CTNNA2: variants seen among roughly 807,000 people sequenced by gnomAD.
CTNNA2 encodes the protein catenin alpha 2.
In CTNNA2, 42 loss-of-function variants were observed where a neutral mutation model predicts 101.0. That is an observed-to-expected ratio of 0.42 (90% CI 0.32 to 0.54). CTNNA2 has a LOEUF of 0.54. CTNNA2 is among the 20% of genes least tolerant of loss of function. The pLI is 0.14. For synonymous variants in CTNNA2, 450 were observed against 456.4 expected, an observed-to-expected ratio of 0.99 and a Z score of 0.18; for missense variants, 871 against 1,223.1, an observed-to-expected ratio of 0.71 and a Z score of 4.29.
chr2:79,932,021 C>G (rs893566597), intron 7 of CTNNA2, among the ~76,000 whole-genome samples: 15 of 152,234 alleles, frequency 9.9e-5, no homozygotes, highest in Admixed American at 7.9e-4. Flanking sequence ...TTGAGCCTCT[C>G]TCACACCTTC....
At chr2:80,342,686 C>T (rs1017127584) in intron 7 of CTNNA2, among the ~76,000 whole-genome samples, 1 of 151,808 alleles carries the variant, frequency 6.6e-6, no homozygotes, top group Non-Finnish European at 1.5e-5. Flanking sequence ...AAAAAAAATG[C>T]AGAGTGCCAG....
intron 17 of CTNNA2, among the ~76,000 whole-genome samples, chr2:80,610,468 C>G (rs756642036): frequency 1.2e-4 from 18 of 151,514 alleles, no homozygotes; most frequent in Non-Finnish European, 1.5e-4. Context: ...AAGAAGCCAT[C>G]ATAGTTTAAT....
chr2:80,111,730 T>TGGG (rs1292534357), intron 7 of CTNNA2, among the ~76,000 whole-genome samples: 1 of 152,070 alleles, frequency 6.6e-6, no homozygotes, highest in African/African-American at 2.4e-5. Flanking sequence ...TTTGTAGAGA[T>TGGG]GGGGTCACAA....
At chr2:80,259,777 C>G (rs1672455379) in intron 7 of CTNNA2, among the ~76,000 whole-genome samples, 1 of 152,186 alleles carries the variant, frequency 6.6e-6, no homozygotes, top group Non-Finnish European at 1.5e-5. Context: ...CCTTTGTTTT[C>G]TCATTCTTCA....
chr2:79,709,723 A>G (rs549874322), intron 2 of CTNNA2, among the ~76,000 whole-genome samples: 49 of 152,254 alleles, frequency 3.2e-4, no homozygotes, highest in African/African-American at 1.2e-3. Flanking sequence ...GACAATTGCA[A>G]TATTCTCAGC....
At chr2:79,976,158 C>T (rs890491740) in intron 7 of CTNNA2, among the ~76,000 whole-genome samples, 6 of 152,188 alleles carry the variant, frequency 3.9e-5, no homozygotes, top group Non-Finnish European at 7.3e-5. Flanking sequence ...ATGTATTTCA[C>T]ATTCTCACAA....
At chr2:79,746,372 T>C (rs1212117023) in intron 3 of CTNNA2, among the ~76,000 whole-genome samples, 1 of 152,184 alleles carries the variant, frequency 6.6e-6, no homozygotes, top group Non-Finnish European at 1.5e-5. Context: ...TTCACTCTAT[T>C]GTGACCTTTG....
chr2:79,752,130 T>C (rs1453423155), intron 3 of CTNNA2, among the ~76,000 whole-genome samples: 1 of 151,882 alleles, frequency 6.6e-6, no homozygotes, highest in African/African-American at 2.4e-5. Flanking sequence ...GACAATGCCA[T>C]GGTGAAATAG....
intron 7 of CTNNA2, among the ~76,000 whole-genome samples, chr2:79,977,766 T>A (rs1690973281): frequency 6.6e-6 from 1 of 152,170 alleles, no homozygotes; most frequent in Admixed American, 6.5e-5. Context: ...CCTCTTTTTC[T>A]TTATTTTTTC....
chr2:79,546,010 A>T (rs1673709260), intron 1 of CTNNA2, among the ~76,000 whole-genome samples: 1 of 152,172 alleles, frequency 6.6e-6, no homozygotes, highest in African/African-American at 2.4e-5. Flanking sequence ...GAAGCTAAGT[A>T]CCATACCCAA....
At chr2:79,959,254 T>C (rs2104524070) in intron 7 of CTNNA2, among the ~76,000 whole-genome samples, 1 of 152,286 alleles carries the variant, frequency 6.6e-6, no homozygotes, top group South Asian at 2.1e-4. Context: ...TTACTTTTTT[T>C]TCATGAGAAG....
chr2:79,990,904 G>A (rs969652916), intron 7 of CTNNA2, among the ~76,000 whole-genome samples: 1 of 152,128 alleles, frequency 6.6e-6, no homozygotes, highest in African/African-American at 2.4e-5. Flanking sequence ...AGTCCGTCTG[G>A]TCCTGGACTT....
intron 2 of CTNNA2, among the ~76,000 whole-genome samples, chr2:79,235,221 G>A (rs751626196): frequency 1.6e-4 from 24 of 152,150 alleles, no homozygotes; most frequent in Non-Finnish European, 2.6e-4. Context: ...TTTTCAGAGG[G>A]TCAGCACTCT....
intron 4 of CTNNA2, among the ~76,000 whole-genome samples, chr2:79,456,924 G>T (rs918777623): frequency 3.9e-5 from 6 of 152,082 alleles, no homozygotes; most frequent in African/African-American, 1.2e-4. Flanking sequence ...GAATTCGGCC[G>T]GGCATGGTGG....
intron 4 of CTNNA2, among the ~76,000 whole-genome samples, chr2:79,433,069 G>A (rs1240538764): frequency 6.6e-6 from 1 of 152,156 alleles, no homozygotes; most frequent in Non-Finnish European, 1.5e-5. Context: ...TGGTGCGAGG[G>A]AAATGAAGCC....
chr2:80,450,317 T>TC (rs1683397525), intron 9 of CTNNA2, among the ~76,000 whole-genome samples: 2 of 152,110 alleles, frequency 1.3e-5, no homozygotes, highest in Admixed American at 1.3e-4. Flanking sequence ...TTTTTTTTTT[T>TC]CCTTTTTAAA....
intron 2 of CTNNA2, among the ~76,000 whole-genome samples, chr2:79,286,804 C>G (rs1020975178): frequency 1.3e-5 from 2 of 152,054 alleles, no homozygotes; most frequent in Non-Finnish European, 2.9e-5. Flanking sequence ...GTTGGCCTGC[C>G]TTGCTAGATT....
intron 7 of CTNNA2, among the ~76,000 whole-genome samples, chr2:80,372,255 CTCTCCACTATAACCTTTACTCAT>C (rs141992273): frequency 0.19 from 28,353 of 151,964 alleles, 2,821 homozygotes; most frequent in East Asian, 0.36. Context: ...ACCCCAGAAC[CTCTCCACTATAACCTTTACTCAT>C]TGCCTTAAAC....
Position 80,302,958 on chromosome 2 carries a change from C to A in CTNNA2, c.1057-90253C>A, listed in dbSNP as rs1464885282. On this transcript the variant is annotated intron_variant, in intron 7 of 18. Coordinates refer to ENST00000402739, the MANE Select transcript of CTNNA2 (RefSeq NM_001282597.3). This position sits in a 1 kb window ranked among gnomAD's most constrained non-coding sequence, Gnocchi z 6.4. ...TCGATGTAGGTGAGGCGGTTGGAGT[C>A]CAGCTGCAGGGACTGCAGGTGCGGC... 1.2e-6 allele frequency: 2 copies of A among 1,613,932 alleles called. No homozygotes were observed. Among genetic ancestry groups the A allele is most frequent in the Non-Finnish European group, 1.7e-6 (2 of 1,179,992 alleles).
Sources: allele counts gnomAD v4.1 joint callset (sites outside exome capture counted in the v4.1 genomes callset), GRCh38; gene constraint gnomAD v4.1.1; non-coding constraint Gnocchi (gnomAD v3.1); transcripts MANE v1.5; gene names NCBI Gene and HGNC (gene_info 2026-07-23, HGNC 2026-07-21).